Variants in ECE1 observed in about 807,000 individuals in gnomAD.
The protein encoded by ECE1 is endothelin converting enzyme 1, also known as endothelin-converting enzyme 1.
Under a neutral mutation model 98.6 loss-of-function variants are expected in ECE1, and 35 were observed. The ratio of observed to expected loss-of-function variants is 0.35; its 90% confidence interval spans 0.27 to 0.47. The LOEUF is 0.47. Ranked by LOEUF, ECE1 falls within the 20% of genes least tolerant of loss-of-function variation. ECE1 has a pLI of 1.00. For synonymous variants in ECE1, 394 were observed against 407.1 expected, an observed-to-expected ratio of 0.97 and a Z score of 0.39; for missense variants, 814 against 1,025.3, an observed-to-expected ratio of 0.79 and a Z score of 2.81.
At chr1:21,224,228 C>T (rs963870517) in intron 17 of ECE1, among the ~76,000 whole-genome samples, 5 of 152,214 alleles carry the variant, frequency 3.3e-5, no homozygotes, top group African/African-American at 1.2e-4. Context: ...CCGTGGCCAG[C>T]GTCCTCCCCA....
At chr1:21,317,875 AG>A (rs1638866218) in intron 1 of ECE1, among the ~76,000 whole-genome samples, 1 of 152,206 alleles carries the variant, frequency 6.6e-6, no homozygotes, top group Admixed American at 6.5e-5. Flanking sequence ...GTGTGGCCGA[AG>A]GTGTGGGGTG....
At chr1:21,224,043 T>C (rs2098170737) in intron 17 of ECE1, among the ~76,000 whole-genome samples, 1 of 152,188 alleles carries the variant, frequency 6.6e-6, no homozygotes, top group Admixed American at 6.5e-5. Flanking sequence ...GGTCCCCGCA[T>C]TCCCTACACT....
chr1:21,220,379 G>A lies in ECE1; in HGVS notation c.2137-248C>T, dbSNP rs1466272827. 1.3e-5 allele frequency among the ~76,000 whole-genome samples: 2 copies of A among 152,100 alleles called. No individual in the cohort carries two copies. The highest frequency in any genetic ancestry group is 4.8e-5 in the African/African-American group (2 of 41,424). ...CCAGGGATGGTGGTGTACACCTATG[G>A]TCCCAGCTCCTGGGGAGGCTGAGGT... On this transcript the variant is annotated intron_variant, in intron 18 of 18. Coordinates refer to ENST00000374893, the MANE Select transcript of ECE1 (RefSeq NM_001397.3). The surrounding 1 kb of genome is among the most constrained non-coding windows in gnomAD (Gnocchi z 5.0).
At chr1:21,341,756 C>T (rs922263225) in intron 1 of ECE1, among the ~76,000 whole-genome samples, 8 of 151,926 alleles carry the variant, frequency 5.3e-5, no homozygotes, top group African/African-American at 1.9e-4. Context: ...ACCAGAGTGA[C>T]GTGGGGGCAT....
rs565486581 is a variant in ECE1, at chr1:21,307,192, T to C, written c.4-17036A>G. Among the ~76,000 whole-genome samples, 1 of 152,312 alleles carries C rather than the reference T, an allele frequency of 6.6e-6. No individual in the cohort carries two copies. The highest frequency in any genetic ancestry group is 2.4e-5 in the African/African-American group (1 of 41,564). ...GTCCACATTACCCCAGCCCGGGCCC[T>C]GTAATGCTGGCTTTAACATTTCCAA... On this transcript the variant is annotated intron_variant, in intron 1 of 18. Transcript: ENST00000415912. The surrounding 1 kb of genome is among the most constrained non-coding windows in gnomAD (Gnocchi z 4.2).
chr1:21,316,052 G>A (rs1638826148), intron 1 of ECE1, among the ~76,000 whole-genome samples: 1 of 152,188 alleles, frequency 6.6e-6, no homozygotes, highest in South Asian at 2.1e-4. Flanking sequence ...ACCTGCCACA[G>A]TAGCTGGCAC....
rs71569823 is a variant in ECE1, at chr1:21,238,998, AT to A, written c.1279-755del. 2.8e-3 allele frequency among the ~76,000 whole-genome samples: 403 copies of A among 143,076 alleles called. 1 individual carries two copies. The highest frequency in any genetic ancestry group is 6.3e-3 in the African/African-American group (245 of 39,148). The allele number at this position is 143,076 out of a possible 152,430, so 93.9% of individuals were successfully genotyped here. ...CCTGGCTAATTTTTTCTATTTAAAA[AT>A]TTTTTTTTTTTTTTGTGGAGACATC... On this transcript the variant is annotated intron_variant, in intron 10 of 18. Transcript: ENST00000374893.
At chr1:21,261,271 G>A (rs2098226498) in intron 4 of ECE1, among the ~76,000 whole-genome samples, 1 of 152,106 alleles carries the variant, frequency 6.6e-6, no homozygotes, top group Admixed American at 6.5e-5. Context: ...CTCATTTCAT[G>A]TTCATTTCTC....
intron 11 of ECE1, 72 bp downstream of exon 11, chr1:21,238,062 G>A (rs1044014603): frequency 2.8e-6 from 4 of 1,420,980 alleles, no homozygotes; most frequent in Non-Finnish European, 4.0e-6. Context: ...GGGCTGGAGT[G>A]TGAACTGGCA....
chr1:21,259,994 C>G (rs1347409474), intron 5 of ECE1, among the ~76,000 whole-genome samples: 9 of 152,218 alleles, frequency 5.9e-5, no homozygotes, highest in Middle Eastern at 3.2e-3. Flanking sequence ...CACAGATGCA[C>G]AGAGAGACAC....
At chr1:21,230,735 A>T (rs1193128448) in intron 14 of ECE1, among the ~76,000 whole-genome samples, 1 of 152,132 alleles carries the variant, frequency 6.6e-6, no homozygotes, top group Non-Finnish European at 1.5e-5. Flanking sequence ...GATTGACTGC[A>T]GAATCAGATA....
chr1:21,265,481 G>A (rs1184222269), intron 4 of ECE1, among the ~76,000 whole-genome samples: 2 of 152,144 alleles, frequency 1.3e-5, no homozygotes, highest in South Asian at 2.1e-4. Context: ...GCAGTGAGCC[G>A]AGATAGCGCC....
chr1:21,239,963 G>A (rs1211223503), intron 10 of ECE1, among the ~76,000 whole-genome samples: 1 of 152,072 alleles, frequency 6.6e-6, no homozygotes, highest in Non-Finnish European at 1.5e-5. Context: ...TTGAGGTCAG[G>A]AGTTCAAGAC....
At chr1:21,234,031 AG>A (rs1427621585) in intron 13 of ECE1, among the ~76,000 whole-genome samples, 2 of 152,184 alleles carry the variant, frequency 1.3e-5, no homozygotes, top group Admixed American at 1.3e-4. Flanking sequence ...TCTATCATCC[AG>A]GCTGGAGTGC....
chr1:21,341,010 A>C (rs1195131128), intron 1 of ECE1, among the ~76,000 whole-genome samples: 1 of 151,406 alleles, frequency 6.6e-6, no homozygotes, highest in Non-Finnish European at 1.5e-5. Context: ...AGCGGTCTGT[A>C]CTCTTGCACA....
intron 2 of ECE1, among the ~76,000 whole-genome samples, chr1:21,282,442 G>C (rs1028037029): frequency 1.4e-4 from 22 of 151,738 alleles, no homozygotes; most frequent in African/African-American, 5.3e-4. Context: ...ATAAAAATTA[G>C]CCAGGCATGG....
At chr1:21,325,772 C>T (rs1257962821) in intron 1 of ECE1, among the ~76,000 whole-genome samples, 2 of 152,360 alleles carry the variant, frequency 1.3e-5, no homozygotes, top group Middle Eastern at 3.4e-3. Flanking sequence ...TGGTTCCCAC[C>T]TCCTGCTCCA....
At chr1:21,221,931 T>C in intron 17 of ECE1, 89 bp from the exon 18 acceptor site, 1 of 1,183,520 alleles carries the variant, frequency 8.4e-7, no homozygotes, top group Non-Finnish European at 1.3e-6. Flanking sequence ...AGCTCCCCCG[T>C]GTTGGGGCAA....
intron 10 of ECE1, among the ~76,000 whole-genome samples, chr1:21,244,571 C>T (rs566054515): frequency 2.6e-5 from 4 of 152,114 alleles, no homozygotes; most frequent in Non-Finnish European, 4.4e-5. Flanking sequence ...GCAGGTAGAG[C>T]CCACCTGGCC....
Sources: gnomAD v4.1 joint callset for allele counts (sites outside exome capture counted in the v4.1 genomes callset) on GRCh38, gnomAD v4.1.1 for gene constraint, Gnocchi (gnomAD v3.1) non-coding constraint, MANE v1.5 for transcripts, NCBI Gene and HGNC (gene_info 2026-07-23, HGNC 2026-07-21) for gene names.